PSG3: variants seen among roughly 807,000 people sequenced by gnomAD.
The protein encoded by PSG3 is pregnancy-specific beta-1-glycoprotein 3.
PSG3 carries 61 observed loss-of-function variants against 47.5 expected under a neutral mutation model. The ratio of observed to expected loss-of-function variants is 1.28; its 90% CI spans 1.05 to 1.59. PSG3 has a LOEUF of 1.59. Among genes scored for constraint, PSG3 ranks in the 40% most tolerant of loss-of-function variants. The pLI, the probability that PSG3 is intolerant of heterozygous loss-of-function variation, is 0.00. For missense variants in PSG3, 756 were observed against 524.0 expected, an observed-to-expected ratio of 1.44 and a Z score of -4.32; for synonymous variants, 263 against 198.4, an observed-to-expected ratio of 1.33 and a Z score of -2.74.
Position 42,738,987 on chromosome 19 carries a change from T to C in PSG3, c.167A>G (p.His56Arg). The C allele has an allele frequency of 6.2e-7, 1 of 1,613,998 alleles. No individual in the cohort carries two copies. The highest frequency in any genetic ancestry group is 8.5e-7 in the Non-Finnish European group (1 of 1,179,948). ...SKGKDVLLLV[H>R]NLPQNLAGYI... The stretch of plus-strand genomic sequence containing the variant: ...GCCAGCAAGATTCTGGGGCAAATTG[T>C]GGACAAGTAGAAGAACGTCCTTCCC... Residue 56 changes from histidine to arginine, a missense_variant, in exon 2 of 7, where the codon CAC becomes CGC. Physicochemically the swap from His to Arg is conservative, Grantham distance 29. Coordinates refer to ENST00000327495, the MANE Select transcript of PSG3 (RefSeq NM_021016.4).
rs532528232 is a variant in PSG3 at position 42,728,600 on chromosome 19, C to T, written c.1243+523G>A. 2.6e-5 allele frequency among the ~76,000 whole-genome samples: 4 copies of T among 152,338 alleles called. No individual in the cohort carries two copies. In the South Asian group the frequency reaches 8.3e-4, roughly 32 times the overall value. On this transcript the variant is annotated intron_variant, in intron 5 of 6. Coordinates refer to ENST00000327495, the MANE Select transcript of PSG3 (RefSeq NM_021016.4). The stretch of plus-strand genomic sequence containing the variant: ...TTTCTCCACAGATGCTGGTCCCACC[C>T]AGGTGGAGTCAGGCAGGGCCAGTCA...
chr19:42,738,698 C>A (rs748271165), intron 2 of PSG3, 26 bp downstream of exon 2: 14 of 1,612,650 alleles, frequency 8.7e-6, no homozygotes, highest in African/African-American at 1.3e-5. Context: ...TCCCCCAACA[C>A]CCAGTGATCA....
In PSG3 at chr19:42,729,960, T is replaced by G; in HGVS notation, c.806A>C (p.Tyr269Ser). ...ACCATTTAGCCACCAAATGTAGGTGTAGTTCTCACTCTTAGGTTCACAGGT... is the reference window on the plus strand; with the variant it reads ...ACCATTTAGCCACCAAATGTAGGTGGAGTTCTCACTCTTAGGTTCACAGGT... ...AFTCEPKSEN[Y>S]TYIWWLNGQS... is the part of the protein sequence containing the mutation. Residue 269 changes from tyrosine to serine, a missense_variant, in exon 4 of 7, where the codon TAC (tyrosine) becomes TCC (serine). By Grantham distance (144) the Tyr-to-Ser change is moderately radical (BLOSUM62 -2). Transcript: ENST00000327495. 6.2e-7 allele frequency: 1 copy of G among 1,612,190 alleles called. No homozygotes were observed. The highest frequency in any genetic ancestry group is 8.5e-7 in the Non-Finnish European group (1 of 1,179,858).
intron 3 of PSG3, chr19:42,732,399 T>C: frequency 2.9e-6 from 1 of 350,422 alleles, no homozygotes; most frequent in Non-Finnish European, 5.4e-6. Context: ...GCAAAGAGAA[T>C]AATGTCATAG....
intron 1 of PSG3, 145 bp downstream of exon 1, chr19:42,740,176 A>G: frequency 2.6e-6 from 4 of 1,512,770 alleles, no homozygotes; most frequent in Non-Finnish European, 3.6e-6. Flanking sequence ...CTGATCTTGA[A>G]CTCCTGATCT....
chr19:42,729,817 C>T lies in PSG3; in HGVS notation c.949G>A (p.Gly317Ser), dbSNP rs756181691. ...PYQCEIQDRY[G>S]GIRSYPVTLN... ...GTGACTGGGTAACTGCGGATGCCAC[C>T]ATATCGGTCCTGTATTTCACATTGA... The change falls in exon 4 of 7, where the codon GGT becomes AGT. Residue 317 changes from glycine (G) to serine (S), a missense_variant. Gly to Ser is a moderately conservative substitution (Grantham distance 56, BLOSUM62 0). Coordinates refer to ENST00000327495, the MANE Select transcript of PSG3 (RefSeq NM_021016.4). 2 of 1,613,608 alleles carry T rather than the reference C, an allele frequency of 1.2e-6. No homozygotes were observed. The highest frequency in any genetic ancestry group is 2.7e-5 in the African/African-American group (2 of 74,896).
rs1282203519 is a variant in PSG3, at chr19:42,732,909, A to G, written c.584T>C (p.Leu195Ser). The G allele has an allele frequency of 1.2e-6, 2 of 1,614,104 alleles. No homozygotes were observed. The highest frequency in any genetic ancestry group is 1.1e-5 in the South Asian group (1 of 91,074). Residue 195 changes from leucine (L) to serine (S), a missense_variant, in exon 3 of 7, where the codon TTG becomes TCG. Coordinates refer to ENST00000327495, the MANE Select transcript of PSG3 (RefSeq NM_021016.4). ...QSLPMTHSLQ[L>S]SKNKRTLFLF... ...AAAGAGGGTCCTTTTGTTTTTGGAC[A>G]ACTGCAAGCTGTGAGTCATAGGGAG... is the stretch of plus-strand genomic sequence containing the variant.
chr19:42,739,410 C>A, intron 1 of PSG3: 1 of 306,960 alleles, frequency 3.3e-6, no homozygotes, highest in Non-Finnish European at 5.9e-6. Flanking sequence ...ATCAGGGCAT[C>A]CTTAGACTTC....
Position 42,729,764 on chromosome 19 carries a change from C to G in PSG3, c.988+14G>C. 1 of 1,610,984 alleles carries G rather than the reference C, an allele frequency of 6.2e-7. No homozygotes were observed. Among genetic ancestry groups the G allele is most frequent in the Non-Finnish European group, 8.5e-7 (1 of 1,178,564 alleles). ...GCTGGTGTCCTGGCCCACAGAGGAA[C>G]AAAAGATACTCACAGAGGACATTCA... On this transcript the variant is annotated intron_variant, in intron 4 of 6. Coordinates refer to ENST00000327495, the MANE Select transcript of PSG3 (RefSeq NM_021016.4).
intron 5 of PSG3, among the ~76,000 whole-genome samples, chr19:42,727,341 A>T (rs904868840): frequency 6.6e-6 from 1 of 152,104 alleles, no homozygotes; most frequent in African/African-American, 2.4e-5. Flanking sequence ...AAATGATAAA[A>T]ATATTTGCAA....
Position 42,739,006 on chromosome 19 carries a change from C to G in PSG3, c.148G>C (p.Asp50His), listed in dbSNP as rs748059978. 6 of 1,613,862 alleles carry G rather than the reference C, an allele frequency of 3.7e-6. No homozygotes were observed. The highest frequency in any genetic ancestry group is 5.1e-6 in the Non-Finnish European group (6 of 1,179,950). Residue 50 changes from aspartate (D) to histidine (H), a missense_variant, in exon 2 of 7, where the codon GAC becomes CAC. Transcript: ENST00000327495. ...AAATTGTGGACAAGTAGAAGAACGT[C>G]CTTCCCCTTGGAAACTTTGGTTGGC... ...AEPTKVSKGK[D>H]VLLLVHNLPQ...
At chr19:42,738,174 C>A (rs1969597872) in intron 2 of PSG3, among the ~76,000 whole-genome samples, 1 of 152,204 alleles carries the variant, frequency 6.6e-6, no homozygotes, top group African/African-American at 2.4e-5. Context: ...CCAGATGAGG[C>A]TCTGAGGGCT....
In PSG3 at chr19:42,731,021, A is replaced by C. The variant is rs556744547; in HGVS notation, c.710-965T>G. On this transcript the variant is annotated intron_variant, in intron 3 of 6. Coordinates refer to ENST00000327495, the MANE Select transcript of PSG3 (RefSeq NM_021016.4). The stretch of plus-strand genomic sequence containing the variant: ...ATTGGACATTCTACTCAATGATTCC[A>C]TGGGTTCGACTACTCTAGGGACCTC... Among the ~76,000 whole-genome samples, 134 of 152,318 alleles carry C rather than the reference A, an allele frequency of 8.8e-4. 1 individual carries two copies. The highest frequency in any genetic ancestry group is 5.8e-3 in the East Asian group (30 of 5,182).
chr19:42,736,364 C>T (rs191400801), intron 2 of PSG3, among the ~76,000 whole-genome samples: 2 of 152,104 alleles, frequency 1.3e-5, no homozygotes, highest in Non-Finnish European at 2.9e-5. Context: ...TGGCTCAGCC[C>T]GTCATGTGGT....
chr19:42,722,534 G>A (rs771703920), intron 6 of PSG3, among the ~76,000 whole-genome samples: 44 of 152,280 alleles, frequency 2.9e-4, no homozygotes, highest in African/African-American at 4.6e-4. Context: ...GATGACAGGC[G>A]TGAGCCATCG....
At chr19:42,724,100 G>A in intron 5 of PSG3, 75 bp from the exon 6 acceptor site, 2 of 1,501,178 alleles carry the variant, frequency 1.3e-6, no homozygotes, top group Non-Finnish European at 1.8e-6. Context: ...GAACAAGCAT[G>A]TAACATGAGG....
intron 2 of PSG3, among the ~76,000 whole-genome samples, chr19:42,737,650 A>G (rs1018919276): frequency 6.6e-6 from 1 of 152,216 alleles, no homozygotes; most frequent in East Asian, 1.9e-4. Flanking sequence ...AGAAGAGAGG[A>G]TTTGAGCCAA....
At chr19:42,730,096 C>T in intron 3 of PSG3, 40 bp from the exon 4 acceptor site, 2 of 1,602,438 alleles carry the variant, frequency 1.2e-6, no homozygotes, top group Middle Eastern at 2.1e-4. Flanking sequence ...TGTGTGGCAC[C>T]TTTGATTCCT....
intron 5 of PSG3, among the ~76,000 whole-genome samples, chr19:42,724,805 C>CT (rs1969350119): frequency 6.6e-6 from 1 of 151,996 alleles, no homozygotes; most frequent in Admixed American, 6.5e-5. Context: ...TTGCACTTAG[C>CT]TTTTTTTCTT....
Sources: gnomAD v4.1 joint callset for allele counts (sites outside exome capture counted in the v4.1 genomes callset) on GRCh38, gnomAD v4.1.1 for gene constraint, MANE v1.5 for transcripts, NCBI Gene and HGNC (gene_info 2026-07-23, HGNC 2026-07-21) for gene names.